Variants in DNAJC1 observed in about 807,000 individuals in gnomAD.
DNAJC1 encodes DnaJ heat shock protein family (Hsp40) member C1, also known as dnaJ homolog subfamily C member 1.
Under a neutral mutation model 76.6 loss-of-function variants are expected in DNAJC1, and 58 were observed. The observed-to-expected ratio is 0.76, with a 90% CI of 0.61 to 0.94. The LOEUF is 0.94. Among genes scored for constraint, DNAJC1 ranks in the 40% least tolerant of loss-of-function variants. The pLI, the probability that DNAJC1 is intolerant of heterozygous loss-of-function variation, is 0.00. For synonymous variants in DNAJC1, 258 were observed against 267.9 expected, an observed-to-expected ratio of 0.96 and a Z score of 0.36; for missense variants, 689 against 677.3, an observed-to-expected ratio of 1.02 and a Z score of -0.19.
At chr10:21,834,344 G>T (rs571900608) in intron 8 of DNAJC1, among the ~76,000 whole-genome samples, 33 of 152,334 alleles carry the variant, frequency 2.2e-4, no homozygotes, top group African/African-American at 7.9e-4. Context: ...AAGGAGAGGA[G>T]CCAAGATGGC....
chr10:21,791,202 T>C (rs1277467176), intron 9 of DNAJC1, among the ~76,000 whole-genome samples: 2 of 152,164 alleles, frequency 1.3e-5, no homozygotes, highest in Non-Finnish European at 2.9e-5. Flanking sequence ...GTTGTGAATA[T>C]ATATGCACCC....
chr10:21,958,570 G>A (rs1220954429), intron 1 of DNAJC1, among the ~76,000 whole-genome samples: 1 of 152,050 alleles, frequency 6.6e-6, no homozygotes, highest in Admixed American at 6.5e-5. Context: ...TAGGACTACA[G>A]TGCGTGCCAC....
At chr10:21,960,036 T>G (rs988718703) in intron 1 of DNAJC1, among the ~76,000 whole-genome samples, 1 of 152,278 alleles carries the variant, frequency 6.6e-6, no homozygotes, top group South Asian at 2.1e-4. Flanking sequence ...GCCACTATGA[T>G]TTTTTGCCTG....
chr10:21,774,769 G>C (rs1040456613), intron 9 of DNAJC1, among the ~76,000 whole-genome samples: 4 of 152,172 alleles, frequency 2.6e-5, no homozygotes, highest in African/African-American at 9.7e-5. Flanking sequence ...GAGCCACCGC[G>C]CCCGGCCTAA....
intron 9 of DNAJC1, chr10:21,785,603 C>G (rs1374766070): frequency 6.6e-6 from 1 of 152,124 alleles, no homozygotes; most frequent in African/African-American, 2.4e-5. Flanking sequence ...ATAAAACTGT[C>G]TTTGTTGAAG....
intron 1 of DNAJC1, among the ~76,000 whole-genome samples, chr10:21,992,081 T>C (rs2070580739): frequency 6.6e-6 from 1 of 152,316 alleles, no homozygotes; most frequent in Non-Finnish European, 1.5e-5. Flanking sequence ...GAGGCCAAGG[T>C]TGGCGGATCG....
intron 7 of DNAJC1, among the ~76,000 whole-genome samples, chr10:21,884,568 T>C (rs567205701): frequency 6.6e-6 from 1 of 152,274 alleles, no homozygotes; most frequent in East Asian, 1.9e-4. Flanking sequence ...AGTACTCAAA[T>C]ATAACTGTAT....
rs1311175358 is a variant in DNAJC1, at chr10:21,914,040, T to A, written c.729+4739A>T. 2.0e-5 allele frequency among the ~76,000 whole-genome samples: 3 copies of A among 152,184 alleles called. No individual in the cohort carries two copies. In the South Asian group the frequency reaches 6.2e-4, roughly 32 times the overall value. On this transcript the variant is annotated intron_variant, in intron 6 of 11. Coordinates refer to ENST00000376980, the MANE Select transcript of DNAJC1 (RefSeq NM_022365.4). ...CACACACCAGCCTTCCATTCATTCA[T>A]CAATTTACAAACACCATATTCTTTT...
chr10:21,875,716 A>G (rs571218764), intron 8 of DNAJC1, among the ~76,000 whole-genome samples: 27 of 152,284 alleles, frequency 1.8e-4, no homozygotes, highest in African/African-American at 6.0e-4. Flanking sequence ...ACTTGTGGTC[A>G]GGAGTTCAGA....
chr10:21,784,906 G>A (rs894331580), intron 9 of DNAJC1, among the ~76,000 whole-genome samples: 1 of 152,160 alleles, frequency 6.6e-6, no homozygotes, highest in African/African-American at 2.4e-5. Flanking sequence ...GTCATGGGGT[G>A]GGGGGCAGGG....
At chr10:21,917,478 C>T (rs1202268312) in intron 6 of DNAJC1, among the ~76,000 whole-genome samples, 1 of 151,870 alleles carries the variant, frequency 6.6e-6, no homozygotes, top group Non-Finnish European at 1.5e-5. Flanking sequence ...TTCTGGTTTG[C>T]CTATTGCACG....
At chr10:21,856,072 G>A (rs1835828733) in intron 8 of DNAJC1, among the ~76,000 whole-genome samples, 1 of 152,146 alleles carries the variant, frequency 6.6e-6, no homozygotes, top group South Asian at 2.1e-4. Context: ...CAGAGACTGA[G>A]GGATGGTTGA....
intron 8 of DNAJC1, among the ~76,000 whole-genome samples, chr10:21,832,434 C>T (rs1326797236): frequency 6.6e-6 from 1 of 152,148 alleles, no homozygotes; most frequent in Non-Finnish European, 1.5e-5. Context: ...GATGTATGTC[C>T]CATTTGCATC....
At chr10:21,783,213 C>G (rs1201766088) in intron 9 of DNAJC1, among the ~76,000 whole-genome samples, 1 of 152,138 alleles carries the variant, frequency 6.6e-6, no homozygotes, top group African/African-American at 2.4e-5. Flanking sequence ...TCTCAGGATA[C>G]AAAATCAATG....
rs1324091172 is a variant in DNAJC1 at position 22,003,229 on chromosome 10, A to T, written c.206T>A (p.Phe69Tyr). The change falls in exon 1 of 12, where the codon TTC becomes TAC. Residue 69 changes from phenylalanine (F) to tyrosine (Y), a missense_variant. Phe to Tyr is a conservative substitution (Grantham distance 22). Transcript: ENST00000376980. Reference protein sequence around the residue: ...VEEVQLNFYQFLGVQQDASSA... With the variant: ...VEEVQLNFYQYLGVQQDASSA... ...CTTGCTTACCTGCTGCACCCCGAGG[A>T]ACTGGTAGAAGTTGAGCTGCACCTC... The T allele has an allele frequency of 6.4e-7, 1 of 1,560,888 alleles. No individual in the cohort carries two copies. Among genetic ancestry groups the T allele is most frequent in the Non-Finnish European group, 8.7e-7 (1 of 1,154,840 alleles).
intron 8 of DNAJC1, among the ~76,000 whole-genome samples, chr10:21,864,313 A>G (rs898168105): frequency 2.0e-5 from 3 of 151,998 alleles, no homozygotes; most frequent in Admixed American, 1.3e-4. Flanking sequence ...AAACCTAAAT[A>G]TAAGATAAAA....
chr10:21,951,255 G>T (rs1312985331), intron 1 of DNAJC1, among the ~76,000 whole-genome samples: 1 of 152,018 alleles, frequency 6.6e-6, no homozygotes, highest in African/African-American at 2.4e-5. Flanking sequence ...GGGAGGCAGA[G>T]GTTGCAGTGA....
rs537841313 is a variant in DNAJC1 at position 21,877,791 on chromosome 10, C to T, written c.978+4491G>A. 8.7e-4 allele frequency among the ~76,000 whole-genome samples: 132 copies of T among 152,214 alleles called. 1 individual carries two copies. Among genetic ancestry groups the T allele is most frequent in the Non-Finnish European group, 1.5e-3 (100 of 67,998 alleles). ...CCCTTGAACAATATGGAGGTTGGGG[C>T]GCCAACCCCTGGTCAGTTGAAAACC... On this transcript the variant is annotated intron_variant, in intron 8 of 11. Transcript: ENST00000376980.
chr10:21,954,637 T>A (rs1837651047), intron 1 of DNAJC1, among the ~76,000 whole-genome samples: 1 of 152,212 alleles, frequency 6.6e-6, no homozygotes, highest in Non-Finnish European at 1.5e-5. Flanking sequence ...GATATCTTTA[T>A]TAATTGGCCA....
Sources: allele counts gnomAD v4.1 joint callset (sites outside exome capture counted in the v4.1 genomes callset), GRCh38; gene constraint gnomAD v4.1.1; transcripts MANE v1.5; gene names NCBI Gene and HGNC (gene_info 2026-07-23, HGNC 2026-07-21).